WDR74: variants seen among roughly 807,000 people sequenced by gnomAD.
WDR74 encodes WD repeat domain 74.
Under a neutral mutation model 45.6 loss-of-function variants are expected in WDR74, and 31 were observed. That is an observed-to-expected ratio of 0.68 (90% confidence interval 0.51 to 0.92). The LOEUF is 0.92. Among genes scored for constraint, WDR74 ranks in the 40% least tolerant of loss-of-function variants. The pLI, the probability that WDR74 is intolerant of heterozygous loss-of-function variation, is 0.00. For missense variants in WDR74, 455 were observed against 497.2 expected (o/e 0.92, Z 0.81); for synonymous variants, 191 against 192.4 (o/e 0.99, Z 0.06).
At chr11:62,841,781 T>G (rs984753072), upstream of WDR74, 1 of 152,252 alleles carries the variant, frequency 6.6e-6, no homozygotes, top group African/African-American at 2.4e-5. Flanking sequence ...ATACTACACT[T>G]GATCTTAGCC....
At chr11:62,837,086 A>G (rs1297219778) in intron 3 of WDR74, among the ~76,000 whole-genome samples, 1 of 152,128 alleles carries the variant, frequency 6.6e-6, no homozygotes, top group Non-Finnish European at 1.5e-5. Flanking sequence ...TCAGAAAAAC[A>G]AAAACAATAA....
intron 7 of WDR74, 22 bp from the exon 8 acceptor site, chr11:62,834,353 A>G (rs767402890): frequency 6.2e-6 from 10 of 1,613,644 alleles, no homozygotes; most frequent in Non-Finnish European, 7.6e-6. Flanking sequence ...ACCAGAGGCA[A>G]GTGGGATCAG....
chr11:62,838,739 C>G (rs1173462515), intron 3 of WDR74, among the ~76,000 whole-genome samples: 3 of 143,838 alleles, frequency 2.1e-5, no homozygotes, highest in African/African-American at 7.8e-5. Flanking sequence ...GCCTGGGCAA[C>G]AAGAGCGAAA....
chr11:62,833,857 A>G lies in WDR74; in HGVS notation c.856T>C (p.Ser286Pro). 6.2e-7 allele frequency: 1 copy of G among 1,613,934 alleles called. No homozygotes were observed. The highest frequency in any genetic ancestry group is 8.5e-7 in the Non-Finnish European group (1 of 1,179,864). Residue 286 changes from serine (S) to proline (P), a missense_variant, in exon 9 of 11, where the codon TCC (serine) becomes CCC (proline). By Grantham distance (74) the Ser-to-Pro change is moderately conservative. Coordinates refer to ENST00000278856, the MANE Select transcript of WDR74 (RefSeq NM_001369450.1). ...CTCAAGACTCTGTCCAAGCCACAGG[A>G]GGCTAGTAGAGGCTTTGAAGGGTGG... ...QCHPSKPLLA[S>P]CGLDRVLRIH...
In WDR74 at chr11:62,835,680, A is replaced by C; in HGVS notation, c.516+15T>G. 1 of 1,613,118 alleles carries C rather than the reference A, an allele frequency of 6.2e-7. No homozygotes were observed. Among genetic ancestry groups the C allele is most frequent in the South Asian group, 1.1e-5 (1 of 91,022 alleles). On this transcript the variant is annotated intron_variant, in intron 5 of 10. Transcript: ENST00000278856. ...TCGACTTCAGGAACAGCTCCTTCACACTCTTGTCACTCACGTTCTTGGCCC... is the reference window on the plus strand; with the variant it reads ...TCGACTTCAGGAACAGCTCCTTCACCCTCTTGTCACTCACGTTCTTGGCCC...
At chr11:62,836,768 TC>T (rs2084965877) in intron 3 of WDR74, 1 of 152,560 alleles carries the variant, frequency 6.6e-6, no homozygotes, top group Non-Finnish European at 1.5e-5. Flanking sequence ...CTATGGTACT[TC>T]CTATTCAAAA....
At chr11:62,841,413 A>G (rs75530847), upstream of WDR74, among the ~76,000 whole-genome samples, 12,915 of 152,216 alleles carry the variant, frequency 0.085, 677 homozygotes, top group East Asian at 0.15. Context: ...AAGTATGAAG[A>G]TTGCTGAAGA....
intron 3 of WDR74, among the ~76,000 whole-genome samples, chr11:62,837,300 C>G (rs1376820765): frequency 2.0e-5 from 3 of 152,052 alleles, no homozygotes; most frequent in Non-Finnish European, 2.9e-5. Flanking sequence ...CCAGACTAGC[C>G]TGGCCAACAT....
chr11:62,839,619 T>A (rs762161451), upstream of WDR74: 1 of 1,557,870 alleles, frequency 6.4e-7, no homozygotes, highest in East Asian at 2.3e-5. Flanking sequence ...AGCGTGTGCG[T>A]CACCAGCGGG....
intron 7 of WDR74, 38 bp downstream of exon 7, chr11:62,834,389 A>AGGGGC: frequency 1.3e-6 from 2 of 1,592,104 alleles, no homozygotes; most frequent in Non-Finnish European, 1.7e-6. Context: ...GCCCTTCTCA[A>AGGGGC]GCCCCACCCT....
chr11:62,841,464 A>C (rs529292234), upstream of WDR74: 1 of 152,254 alleles, frequency 6.6e-6, no homozygotes, highest in Admixed American at 6.5e-5. Flanking sequence ...TTATAAAACA[A>C]AACCTTCTCT....
At chr11:62,834,382 C>G (rs755043710) in intron 7 of WDR74, 45 bp downstream of exon 7, 1 of 1,612,020 alleles carries the variant, frequency 6.2e-7, no homozygotes, top group Non-Finnish European at 8.5e-7. Flanking sequence ...TCCTGGAGCC[C>G]TTCTCAAGCC....
chr11:62,835,819 G>A lies in WDR74; in HGVS notation c.392C>T (p.Pro131Leu). ...SDPLLELRVG[P>L]GVCRMRQDPA... ...GTCTTGGCGCATCCTACACACCCCA[G>A]GGCCCACTCTCAGTTCCAGGAGCTG... Residue 131 changes from proline to leucine, a missense_variant, in exon 5 of 11, where the codon CCT (proline) becomes CTT (leucine). By Grantham distance (98) the Pro-to-Leu change is moderately conservative. Transcript: ENST00000278856. 1 of 1,612,592 alleles carries A rather than the reference G, an allele frequency of 6.2e-7. No homozygotes were observed. Among genetic ancestry groups the A allele is most frequent in the East Asian group, 2.2e-5 (1 of 44,842 alleles).
intron 3 of WDR74, among the ~76,000 whole-genome samples, chr11:62,837,563 A>G (rs148235125): frequency 9.5e-4 from 144 of 151,700 alleles, no homozygotes; most frequent in African/African-American, 3.3e-3. Flanking sequence ...ATCAAATGCT[A>G]TTTATCCTAT....
intron 1 of WDR74, 28 bp downstream of exon 1, chr11:62,839,479 C>A (rs772893432): frequency 1.9e-6 from 3 of 1,613,664 alleles, no homozygotes; most frequent in South Asian, 2.2e-5. Context: ...CACCCCTGCA[C>A]TTCCCGACGC....
In WDR74 at chr11:62,835,730, G is replaced by C. The variant is rs2084949322; in HGVS notation, c.481C>G (p.Gln161Glu). The C allele has an allele frequency of 3.1e-6, 5 of 1,613,824 alleles. No individual in the cohort carries two copies. The highest frequency in any genetic ancestry group is 4.2e-6 in the Non-Finnish European group (5 of 1,179,884). ...KENALKIWDL[Q>E]GSEEPVFRAK... The stretch of plus-strand genomic sequence containing the variant: ...CTGAACACAGGTTCCTCAGAGCCCT[G>C]CAGGTCCCATATCTTCAAAGCATTC... Residue 161 changes from glutamine (Q) to glutamate (E), a missense_variant, in exon 5 of 11, where the codon CAG becomes GAG. Gln to Glu is a conservative substitution (Grantham distance 29). Coordinates refer to ENST00000278856, the MANE Select transcript of WDR74 (RefSeq NM_001369450.1).
chr11:62,836,300 G>T, intron 3 of WDR74: 3 of 419,724 alleles, frequency 7.1e-6, no homozygotes, highest in Non-Finnish European at 1.3e-5. Context: ...ACAGGGTGAG[G>T]GTTTACCAAG....
At chr11:62,835,882 A>AAT in intron 4 of WDR74, 41 bp from the exon 5 acceptor site, 1 of 1,593,932 alleles carries the variant, frequency 6.3e-7, no homozygotes, top group Non-Finnish European at 8.5e-7. Context: ...CAGAGTCCTT[A>AAT]ATCCTCCCTT....
At position 62,839,538 on chromosome 11, in the gene WDR74, C is replaced by T. The variant is rs2085015443; in HGVS notation, c.33G>A (p.Val11=). The T allele has an allele frequency of 6.2e-7, 1 of 1,613,354 alleles. No individual in the cohort carries two copies. Among genetic ancestry groups the T allele is most frequent in the South Asian group, 1.1e-5 (1 of 91,080 alleles). The change falls in exon 1 of 11, where the codon GTG becomes GTA. Residue 11 remains valine (V), a synonymous_variant. Coordinates refer to ENST00000278856, the MANE Select transcript of WDR74 (RefSeq NM_001369450.1). MAAAAARWNH[V]WVGTETGILK... is the part of the protein sequence containing the mutation. ...AGATCCCAGTCTCGGTGCCGACCCA[C>T]ACATGGTTCCAGCGTGCAGCAGCAG... is the stretch of plus-strand genomic sequence containing the variant.
Sources: gnomAD v4.1 joint callset for allele counts (sites outside exome capture counted in the v4.1 genomes callset) on GRCh38, gnomAD v4.1.1 for gene constraint, MANE v1.5 for transcripts, NCBI Gene and HGNC (gene_info 2026-07-23, HGNC 2026-07-21) for gene names.